The following ZFHX3 variants were observed in gnomAD, a reference collection of about 807,000 sequenced individuals.
ZFHX3 encodes the protein zinc finger homeobox 3, also known as zinc finger homeobox protein 3.
A neutral mutation model predicts 279.1 loss-of-function variants in ZFHX3; 42 were observed. That is an observed-to-expected ratio of 0.15 (90% confidence interval 0.12 to 0.19). The LOEUF (loss-of-function observed/expected upper bound fraction) is 0.19, where lower values mean the gene tolerates loss of function less well. Among genes scored for constraint, ZFHX3 ranks in the 10% least tolerant of loss-of-function variants. ZFHX3 has a pLI of 1.00. For synonymous variants in ZFHX3, 2,293 were observed against 1,957.8 expected, an observed-to-expected ratio of 1.17 and a Z score of -4.52; for missense variants, 4,981 against 4,754.0, an observed-to-expected ratio of 1.05 and a Z score of -1.40.
At chr16:72,969,296 C>T (rs188836245) in intron 1 of ZFHX3, among the ~76,000 whole-genome samples, 2 of 152,152 alleles carry the variant, frequency 1.3e-5, no homozygotes, top group Admixed American at 1.3e-4. Flanking sequence ...TTCCTCCAGC[C>T]AAGAGGCTTC....
chr16:73,234,816 C>A (rs1191935917), intron 5 of ZFHX3, among the ~76,000 whole-genome samples: 1 of 152,142 alleles, frequency 6.6e-6, no homozygotes, highest in Non-Finnish European at 1.5e-5. Flanking sequence ...GTCTTCTGGA[C>A]TTTTTTGGCC....
intron 5 of ZFHX3, among the ~76,000 whole-genome samples, chr16:73,220,176 C>T (rs185617616): frequency 4.6e-5 from 7 of 152,048 alleles, no homozygotes; most frequent in East Asian, 3.9e-4. Flanking sequence ...CAACAATAGA[C>T]GCTGGGGACT....
chr16:73,104,836 C>T (rs1338200481), intron 7 of ZFHX3, among the ~76,000 whole-genome samples: 5 of 152,156 alleles, frequency 3.3e-5, no homozygotes, highest in Admixed American at 3.3e-4. Flanking sequence ...TTCTGTCCCC[C>T]ATGTGCTCCT....
chr16:73,475,379 C>G (rs1366379645), intron 2 of ZFHX3, among the ~76,000 whole-genome samples: 3 of 152,004 alleles, frequency 2.0e-5, no homozygotes, highest in Non-Finnish European at 4.4e-5. Context: ...TATTGAATCT[C>G]TTATTTGAAT....
chr16:73,132,021 C>G (rs1218414917), intron 6 of ZFHX3, among the ~76,000 whole-genome samples: 1 of 152,098 alleles, frequency 6.6e-6, no homozygotes, highest in Non-Finnish European at 1.5e-5. Flanking sequence ...TGCAGTGGCT[C>G]ACACCTGTAA....
chr16:72,835,661 T>C (rs2037174376), intron 4 of ZFHX3, among the ~76,000 whole-genome samples: 1 of 151,910 alleles, frequency 6.6e-6, no homozygotes, highest in African/African-American at 2.4e-5. Context: ...ACACGGAGGA[T>C]GGCAGCTACA....
At chr16:73,571,859 T>A (rs910038938) in intron 2 of ZFHX3, among the ~76,000 whole-genome samples, 5 of 152,122 alleles carry the variant, frequency 3.3e-5, no homozygotes, top group Non-Finnish European at 7.4e-5. Context: ...ACCATAGTAC[T>A]TTTTTTGGCT....
chr16:73,540,125 T>A (rs975904312), intron 2 of ZFHX3, among the ~76,000 whole-genome samples: 3 of 152,166 alleles, frequency 2.0e-5, no homozygotes, highest in African/African-American at 7.2e-5. Flanking sequence ...TGAAGACACA[T>A]CATGTTGAAA....
intron 1 of ZFHX3, among the ~76,000 whole-genome samples, chr16:73,809,985 G>A (rs328316): frequency 0.5 from 75,635 of 151,900 alleles, 21,830 homozygotes; most frequent in African/African-American, 0.81. Context: ...CACACATTGC[G>A]GTGTCTAACT....
intron 1 of ZFHX3, among the ~76,000 whole-genome samples, chr16:73,799,434 A>G (rs1257253246): frequency 6.6e-6 from 1 of 152,168 alleles, no homozygotes; most frequent in African/African-American, 2.4e-5. Flanking sequence ...AGCAGAGTGA[A>G]TTGAGGCAGG....
chr16:73,812,718 T>C (rs573477434), intron 1 of ZFHX3: 2 of 152,316 alleles, frequency 1.3e-5, no homozygotes, highest in East Asian at 3.9e-4. Flanking sequence ...CCTAGCATAC[T>C]ACCAGAAAAA....
intron 5 of ZFHX3, among the ~76,000 whole-genome samples, chr16:73,211,127 A>T (rs963539301): frequency 6.6e-6 from 1 of 152,076 alleles, no homozygotes; most frequent in Non-Finnish European, 1.5e-5. Context: ...GATCTTTCTC[A>T]CTTTGCCATT....
At chr16:73,041,770 G>A (rs1044431837) in intron 1 of ZFHX3, among the ~76,000 whole-genome samples, 12 of 152,168 alleles carry the variant, frequency 7.9e-5, no homozygotes, top group Admixed American at 2.0e-4. Flanking sequence ...AAAAAAAAGC[G>A]GAGCTGTTAA....
chr16:73,660,205 G>T (rs1032163123), intron 2 of ZFHX3, among the ~76,000 whole-genome samples: 5 of 152,160 alleles, frequency 3.3e-5, no homozygotes, highest in African/African-American at 1.2e-4. Context: ...AACAGAAAAA[G>T]AAAATAGTTC....
chr16:73,848,010 C>T (rs2639325), intron 1 of ZFHX3, among the ~76,000 whole-genome samples: 1 of 150,100 alleles, frequency 6.7e-6, no homozygotes, highest in Admixed American at 6.7e-5. Flanking sequence ...CCACCCACCT[C>T]GGCTTCCCAA....
At chr16:73,269,322 G>C (rs148654123) in intron 4 of ZFHX3, among the ~76,000 whole-genome samples, 1 of 152,054 alleles carries the variant, frequency 6.6e-6, no homozygotes, top group Non-Finnish European at 1.5e-5. Context: ...TTTGTTTCTC[G>C]TCAGTTACCC....
intron 1 of ZFHX3, among the ~76,000 whole-genome samples, chr16:73,793,704 A>G (rs531299145): frequency 6.6e-6 from 1 of 152,208 alleles, no homozygotes; most frequent in East Asian, 1.9e-4. Flanking sequence ...TTTTTTCCAA[A>G]AGATCAGACC....
At position 73,815,210 on chromosome 16, in the gene ZFHX3, T is replaced by G. The variant is rs183313957; in HGVS notation, c.-1608+76441A>C. ...TCAGAATATCTCATCCAGTTTGACT[T>G]ATTTCTGCAGTGAAACAAATCACCA... On this transcript the variant is annotated intron_variant, in intron 1 of 17. Transcript: ENST00000641206. 1.1e-3 allele frequency among the ~76,000 whole-genome samples: 168 copies of G among 152,328 alleles called. 3 individuals are homozygous for G. In the East Asian group the frequency reaches 0.029, roughly 27 times the overall value.
At chr16:73,355,564 T>A (rs1431473267) in intron 3 of ZFHX3, among the ~76,000 whole-genome samples, 1 of 152,124 alleles carries the variant, frequency 6.6e-6, no homozygotes, top group African/African-American at 2.4e-5. Context: ...ATCCTCAACA[T>A]CGTCATGTAC....
Sources: allele counts gnomAD v4.1 joint callset (sites outside exome capture counted in the v4.1 genomes callset), GRCh38; gene constraint gnomAD v4.1.1; transcripts MANE v1.5; gene names NCBI Gene and HGNC (gene_info 2026-07-23, HGNC 2026-07-21).